Variants in PIEZO2 observed in about 807,000 individuals in gnomAD.
The protein encoded by PIEZO2 is piezo type mechanosensitive ion channel component 2, also known as piezo-type mechanosensitive ion channel component 2.
PIEZO2 carries 172 observed loss-of-function variants against 337.3 expected under a neutral mutation model. That is an observed-to-expected ratio of 0.51 (90% CI 0.45 to 0.58). The LOEUF is 0.58. Ranked by LOEUF, PIEZO2 falls within the 20% of genes least tolerant of loss-of-function variation. PIEZO2 has a pLI of 0.00. For synonymous variants in PIEZO2, 1,251 were observed against 1,228.5 expected, an observed-to-expected ratio of 1.02 and a Z score of -0.38; for missense variants, 3,028 against 3,391.3, an observed-to-expected ratio of 0.89 and a Z score of 2.66.
intron 2 of PIEZO2, among the ~76,000 whole-genome samples, chr18:10,989,302 A>G (rs954435585): frequency 6.6e-6 from 1 of 152,182 alleles, no homozygotes; most frequent in African/African-American, 2.4e-5. Flanking sequence ...TCTAGAAGAC[A>G]AACTAGATCA....
intron 2 of PIEZO2, among the ~76,000 whole-genome samples, chr18:10,983,493 T>G (rs1178602038): frequency 6.6e-6 from 1 of 152,180 alleles, no homozygotes; most frequent in Non-Finnish European, 1.5e-5. Flanking sequence ...TGTGAAATGT[T>G]AGCTAGCTGG....
At chr18:10,904,230 T>A (rs1428443165) in intron 4 of PIEZO2, among the ~76,000 whole-genome samples, 1 of 152,198 alleles carries the variant, frequency 6.6e-6, no homozygotes, top group Non-Finnish European at 1.5e-5. Flanking sequence ...CCAGCATTGT[T>A]GTCATAATGT....
Position 11,129,115 on chromosome 18 carries a change from T to C in PIEZO2, c.64+19410A>G, listed in dbSNP as rs2040266052. ...GAAGGGATCCAAAGGCTTAGGGAGATTGGGATGGTGGAGTGGATTAGTCAC... is the reference window on the plus strand; with the variant it reads ...GAAGGGATCCAAAGGCTTAGGGAGACTGGGATGGTGGAGTGGATTAGTCAC... On this transcript the variant is annotated intron_variant, in intron 1 of 55. Coordinates refer to ENST00000674853, the MANE Select transcript of PIEZO2 (RefSeq NM_001378183.1). The surrounding 1 kb of genome is among the most constrained non-coding windows in gnomAD (Gnocchi z 4.6). 6.6e-6 allele frequency among the ~76,000 whole-genome samples: 1 copy of C among 152,290 alleles called. No homozygotes were observed. The highest frequency in any genetic ancestry group is 6.5e-5 in the Admixed American group (1 of 15,288).
chr18:10,885,632 G>T (rs116652222), intron 4 of PIEZO2, among the ~76,000 whole-genome samples: 2,844 of 152,230 alleles, frequency 0.019, 83 homozygotes, highest in African/African-American at 0.061. Flanking sequence ...AGGTACCACG[G>T]TCAGGGTCAT....
At position 10,850,312 on chromosome 18, in the gene PIEZO2, C is replaced by A. The variant is rs181721291; in HGVS notation, c.917+5041G>T. Among the ~76,000 whole-genome samples, 5 of 152,122 alleles carry A rather than the reference C, an allele frequency of 3.3e-5. No homozygotes were observed. Among genetic ancestry groups the A allele is most frequent in the African/African-American group, 1.2e-4 (5 of 41,422 alleles). On this transcript the variant is annotated intron_variant, in intron 7 of 55. Coordinates refer to ENST00000674853, the MANE Select transcript of PIEZO2 (RefSeq NM_001378183.1). The surrounding 1 kb of genome is among the most constrained non-coding windows in gnomAD (Gnocchi z 4.5). ...ACTCCAGCCCTGTGCCACACATCGG[C>A]GTGGAATTTCAGTTTATACCATATG...
At chr18:10,683,831 C>G (rs1308503626) in intron 49 of PIEZO2, among the ~76,000 whole-genome samples, 3 of 152,188 alleles carry the variant, frequency 2.0e-5, no homozygotes, top group Admixed American at 6.5e-5. Context: ...CGGTTTTAGT[C>G]TGTTCCACCT....
intron 1 of PIEZO2, among the ~76,000 whole-genome samples, chr18:11,113,781 C>T (rs2039806554): frequency 6.6e-6 from 1 of 152,218 alleles, no homozygotes; most frequent in African/African-American, 2.4e-5. Context: ...GGCCACCGCC[C>T]TCCAAACTGC....
chr18:10,719,798 T>C (rs114683525), intron 36 of PIEZO2, among the ~76,000 whole-genome samples: 2,175 of 152,276 alleles, frequency 0.014, 53 homozygotes, highest in African/African-American at 0.05. Context: ...TTTAATTTTA[T>C]TTATTTGGGT....
At chr18:10,678,007 C>G (rs2034090364) in intron 52 of PIEZO2, 132 bp from the exon 53 acceptor site, 2 of 848,400 alleles carry the variant, frequency 2.4e-6, no homozygotes, top group Non-Finnish European at 3.5e-6. Flanking sequence ...TCAATCCTGA[C>G]CCTTTCAGTC....
chr18:10,898,282 G>A (rs375836883), intron 4 of PIEZO2, among the ~76,000 whole-genome samples: 25 of 152,214 alleles, frequency 1.6e-4, no homozygotes, highest in African/African-American at 4.8e-4. Context: ...CTAGCCGGGC[G>A]TGGTGGCAGG....
In PIEZO2 at chr18:11,111,574, T is replaced by A. The variant is rs2039736099; in HGVS notation, c.64+36951A>T. On this transcript the variant is annotated intron_variant, in intron 1 of 55. Coordinates refer to ENST00000674853, the MANE Select transcript of PIEZO2 (RefSeq NM_001378183.1). This position sits in a 1 kb window ranked among gnomAD's most constrained non-coding sequence, Gnocchi z 6.2. ...TCTATACCACCTTCAGGGCCCGCCC[T>A]GCCTGGGACCCTGTAGGGACTTTAA... is the stretch of plus-strand genomic sequence containing the variant. Among the ~76,000 whole-genome samples the A allele has an allele frequency of 6.6e-6, 1 of 152,158 alleles. No individual in the cohort carries two copies. The highest frequency in any genetic ancestry group is 2.4e-5 in the African/African-American group (1 of 41,440).
chr18:11,042,165 A>T (rs1441826433), intron 2 of PIEZO2, among the ~76,000 whole-genome samples: 1 of 152,176 alleles, frequency 6.6e-6, no homozygotes, highest in African/African-American at 2.4e-5. Flanking sequence ...CACAAGGAAA[A>T]GCCTGCCTCT....
At chr18:10,838,231 C>T (rs2041080440) in intron 7 of PIEZO2, among the ~76,000 whole-genome samples, 1 of 152,178 alleles carries the variant, frequency 6.6e-6, no homozygotes, top group South Asian at 2.1e-4. Flanking sequence ...TCCCACCCTA[C>T]CCCCTGCCTT....
At chr18:10,715,235 C>T (rs2035966498) in intron 38 of PIEZO2, among the ~76,000 whole-genome samples, 1 of 152,178 alleles carries the variant, frequency 6.6e-6, no homozygotes, top group South Asian at 2.1e-4. Flanking sequence ...CTGCGTATGT[C>T]CTACTTTTTA....
Position 10,750,659 on chromosome 18 carries a change from C to A in PIEZO2, c.4168-472G>T, listed in dbSNP as rs941155483. 1.3e-5 allele frequency among the ~76,000 whole-genome samples: 2 copies of A among 152,118 alleles called. No homozygotes were observed. ...GTATGTGTTTTGAGTCTTGTTTGAC[C>A]AATTCTCTCGGTAAAGGAGTATTTT... On this transcript the variant is annotated intron_variant, in intron 28 of 55. Transcript: ENST00000674853. This position sits in a 1 kb window ranked among gnomAD's most constrained non-coding sequence, Gnocchi z 4.1.
At position 11,109,547 on chromosome 18, in the gene PIEZO2, C is replaced by A. The variant is rs765464393; in HGVS notation, c.64+38978G>T. Among the ~76,000 whole-genome samples the A allele has an allele frequency of 1.3e-5, 2 of 151,838 alleles. No individual in the cohort carries two copies. The highest frequency in any genetic ancestry group is 1.9e-4 in the East Asian group (1 of 5,154). On this transcript the variant is annotated intron_variant, in intron 1 of 55. Coordinates refer to ENST00000674853, the MANE Select transcript of PIEZO2 (RefSeq NM_001378183.1). This position sits in a 1 kb window ranked among gnomAD's most constrained non-coding sequence, Gnocchi z 5.1. Reference sequence around the variant, plus strand: ...CCTGGCCAAGATGGCGAAACCCCGTCTCTACTGAAAATACAAAAAAATTAG... The same window carrying A: ...CCTGGCCAAGATGGCGAAACCCCGTATCTACTGAAAATACAAAAAAATTAG...
intron 49 of PIEZO2, 71 bp downstream of exon 49, chr18:10,689,584 A>G: frequency 6.2e-7 from 1 of 1,600,634 alleles, no homozygotes; most frequent in Non-Finnish European, 8.6e-7. Flanking sequence ...GCAGAAGTTC[A>G]CATTCATCTT....
intron 1 of PIEZO2, among the ~76,000 whole-genome samples, chr18:11,075,424 C>T (rs544564601): frequency 3.3e-4 from 50 of 152,328 alleles, no homozygotes; most frequent in African/African-American, 1.1e-3. Context: ...GATTCATTGT[C>T]TATCAGTGTA....
In PIEZO2 at chr18:10,813,249, C is replaced by T. The variant is rs2040254761; in HGVS notation, c.918-5975G>A. ...CCGCCTGGGCCTCCCAAAGTGCTGG[C>T]ATTACAGGAGTGAGCCACCGCGCCC... On this transcript the variant is annotated intron_variant, in intron 7 of 55. Coordinates refer to ENST00000674853, the MANE Select transcript of PIEZO2 (RefSeq NM_001378183.1). The surrounding 1 kb of genome is among the most constrained non-coding windows in gnomAD (Gnocchi z 4.2). 1.3e-5 allele frequency among the ~76,000 whole-genome samples: 2 copies of T among 152,066 alleles called. No individual in the cohort carries two copies. The highest frequency in any genetic ancestry group is 4.8e-5 in the African/African-American group (2 of 41,396).
Sources: allele counts gnomAD v4.1 joint callset (sites outside exome capture counted in the v4.1 genomes callset), GRCh38; gene constraint gnomAD v4.1.1; non-coding constraint Gnocchi (gnomAD v3.1); transcripts MANE v1.5; gene names NCBI Gene and HGNC (gene_info 2026-07-23, HGNC 2026-07-21).